ADAMTS13: variants seen among roughly 807,000 people sequenced by gnomAD.
ADAMTS13 encodes the protein ADAM metallopeptidase with thrombospondin type 1 motif 13.
Under a neutral mutation model 155.1 loss-of-function variants are expected in ADAMTS13, and 110 were observed. The ratio of observed to expected loss-of-function variants is 0.71; its 90% CI spans 0.61 to 0.83. The LOEUF (loss-of-function observed/expected upper bound fraction) is 0.83. Ranked by LOEUF, ADAMTS13 falls within the 40% of genes least tolerant of loss-of-function variation. The pLI is 0.00. For synonymous variants in ADAMTS13, 758 were observed against 756.4 expected (o/e 1.00, Z -0.03); for missense variants, 1,707 against 1,891.7 (o/e 0.90, Z 1.81).
Position 133,445,880 on chromosome 9 carries a change from C to G in ADAMTS13, c.2731+61C>G. 2.0e-6 allele frequency: 3 copies of G among 1,510,832 alleles called. No homozygotes were observed. Among genetic ancestry groups the G allele is most frequent in the Non-Finnish European group, 2.7e-6 (3 of 1,129,224 alleles). 93.6% of individuals were successfully genotyped at this position (1,510,832 alleles called of 1,614,324 possible). A position where few individuals can be genotyped will look rare whatever the true frequency, so the allele number is the denominator to read the frequency against. On this transcript the variant is annotated intron_variant, in intron 21 of 28. Transcript: ENST00000355699. This position sits in a 1 kb window ranked among gnomAD's most constrained non-coding sequence, Gnocchi z 5.0. ...TCATGGTAACTCTCCTGTCCACTTGCATCTTGCCTCGTTCTGAAAAGCATT... is the reference window on the plus strand; with the variant it reads ...TCATGGTAACTCTCCTGTCCACTTGGATCTTGCCTCGTTCTGAAAAGCATT...
At chr9:133,417,790 T>C (rs782052975), upstream of ADAMTS13, 3 of 1,609,780 alleles carry the variant, frequency 1.9e-6, no homozygotes, top group African/African-American at 1.3e-5. Flanking sequence ...GGACCCGGCT[T>C]AGCCACGGGG....
chr9:133,450,443 C>T (rs1326888462), intron 23 of ADAMTS13, among the ~76,000 whole-genome samples: 1 of 151,958 alleles, frequency 6.6e-6, no homozygotes, highest in East Asian at 1.9e-4. Context: ...TGGTACATGC[C>T]TGTAATCCCA....
Position 133,448,717 on chromosome 9 carries a change from G to T in ADAMTS13, c.2850G>T (p.Pro950=). The T allele has an allele frequency of 1.9e-6, 3 of 1,601,714 alleles. No homozygotes were observed. Among genetic ancestry groups the T allele is most frequent in the Non-Finnish European group, 2.5e-6 (3 of 1,179,802 alleles). The part of the protein sequence containing the change: ...GSRREVCQAV[P]CPARWQYKLA... ...GGCGGGAGGTCTGCCAGGCTGTCCCGTGCCCTGCTCGGTGAGTGAGGGGAG... is the reference window on the plus strand; with the variant it reads ...GGCGGGAGGTCTGCCAGGCTGTCCCTTGCCCTGCTCGGTGAGTGAGGGGAG... The change falls in exon 22 of 29, where the codon CCG becomes CCT. Residue 950 remains proline, a synonymous_variant. Transcript: ENST00000355699.
intron 11 of ADAMTS13, among the ~76,000 whole-genome samples, chr9:133,435,084 G>C (rs3124770): frequency 0.14 from 21,372 of 152,184 alleles, 2,115 homozygotes; most frequent in African/African-American, 0.28. Flanking sequence ...GAGCCGCTGC[G>C]AATGTGCTTG....
At chr9:133,426,804 TTTTC>T (rs1372174364) in intron 6 of ADAMTS13, among the ~76,000 whole-genome samples, 122 of 133,848 alleles carry the variant, frequency 9.1e-4, no homozygotes, top group African/African-American at 3.0e-3. Context: ...TTTTCTTTTC[TTTTC>T]TTTTTTTTTT....
intron 21 of ADAMTS13, 70 bp from the exon 22 acceptor site, chr9:133,448,529 A>G (rs1842219722): frequency 1.3e-6 from 2 of 1,597,134 alleles, no homozygotes; most frequent in Non-Finnish European, 1.7e-6. Context: ...AGAGGTGTCC[A>G]GTGAGCCTGG....
At chr9:133,442,323 G>A in intron 16 of ADAMTS13, 76 bp from the exon 17 acceptor site, 1 of 1,607,768 alleles carries the variant, frequency 6.2e-7, no homozygotes, top group East Asian at 2.2e-5. Context: ...AAGTTGGAAG[G>A]CTTCCCAGGG....
intron 6 of ADAMTS13, among the ~76,000 whole-genome samples, chr9:133,426,761 A>G (rs1840306872): frequency 6.6e-6 from 1 of 151,834 alleles, no homozygotes; most frequent in Admixed American, 6.6e-5. Flanking sequence ...AATTGTGATT[A>G]TGCTGTGCAT....
Position 133,422,410 on chromosome 9 carries a change from C to T in ADAMTS13, c.-34C>T. 1 of 1,598,902 alleles carries T rather than the reference C, an allele frequency of 6.3e-7. No homozygotes were observed. Among genetic ancestry groups the T allele is most frequent in the Non-Finnish European group, 8.6e-7 (1 of 1,169,196 alleles). Reference sequence around the variant, plus strand: ...TCCCAGTCACCAAGGCCCCCTCTCACTCCGCTCCACTCCTCGGGCTGGCTC... The same window carrying T: ...TCCCAGTCACCAAGGCCCCCTCTCATTCCGCTCCACTCCTCGGGCTGGCTC... On this transcript the variant is annotated 5_prime_UTR_variant, in exon 1 of 29. Transcript: ENST00000355699.
chr9:133,432,806 T>C (rs1840869053), intron 9 of ADAMTS13, 114 bp downstream of exon 9: 2 of 1,070,992 alleles, frequency 1.9e-6, no homozygotes, highest in East Asian at 2.6e-5. Flanking sequence ...GCAGAGAGTC[T>C]TGGAGTTGGC....
chr9:133,414,959 TGA>T, intron 1 of ADAMTS13: 2 of 1,609,430 alleles, frequency 1.2e-6, no homozygotes, highest in Admixed American at 1.7e-5. Context: ...GGAACCCATC[TGA>T]GAGATGACAA....
intron 1 of ADAMTS13, among the ~76,000 whole-genome samples, 158 bp from the exon 2 acceptor site, chr9:133,422,934 CTTTTTTTTT>C (rs71281254): frequency 3.2e-3 from 296 of 93,230 alleles, no homozygotes; most frequent in African/African-American, 7.3e-3. Context: ...CTCTCTCTCT[CTTTTTTTTT>C]TTTTTTTTTT....
chr9:133,426,508 A>C (rs962704971), intron 6 of ADAMTS13, among the ~76,000 whole-genome samples, 163 bp downstream of exon 6: 2 of 152,212 alleles, frequency 1.3e-5, no homozygotes, highest in African/African-American at 4.8e-5. Flanking sequence ...GGAACCTGAT[A>C]CTGTTTGATT....
intron 8 of ADAMTS13, 35 bp downstream of exon 8, chr9:133,430,136 G>A (rs782798456): frequency 2.9e-5 from 45 of 1,556,850 alleles, no homozygotes; most frequent in Non-Finnish European, 3.9e-5. Flanking sequence ...GATTGGCTGT[G>A]AGGTCCCTCC....
intron 5 of ADAMTS13, 24 bp downstream of exon 5, chr9:133,426,086 C>A: frequency 1.2e-6 from 2 of 1,613,958 alleles, no homozygotes; most frequent in Middle Eastern, 3.3e-4. Flanking sequence ...CTGATGGGTG[C>A]TGGCCAGCCA....
Position 133,432,639 on chromosome 9 carries a change from T to A in ADAMTS13, c.1039T>A (p.Cys347Ser), listed in dbSNP as rs281875294. The stretch of plus-strand genomic sequence containing the variant: ...CACAGACCCGCTGGACCAAAGCAGC[T>A]GCAGCCGCCTCCTCGTTCCTCTCCT... ...CHTDPLDQSS[C>S]SRLLVPLLDG... The change falls in exon 9 of 29, where the codon TGC becomes AGC. Residue 347 changes from cysteine to serine, a missense_variant. This residue lies in a region of ADAMTS13 where 733 missense variants were observed against 749.6 expected (regional missense o/e 0.98). Transcript: ENST00000355699. 1 of 1,559,254 alleles carries A rather than the reference T, an allele frequency of 6.4e-7. No individual in the cohort carries two copies.
chr9:133,448,523 G>A, intron 21 of ADAMTS13, 76 bp from the exon 22 acceptor site: 1 of 1,591,008 alleles, frequency 6.3e-7, no homozygotes, highest in Non-Finnish European at 8.5e-7. Flanking sequence ...TGTGCTAGAG[G>A]TGTCCAGTGA....
At chr9:133,455,562 G>A (rs782621505) in intron 25 of ADAMTS13, 127 bp downstream of exon 25, 11 of 1,608,018 alleles carry the variant, frequency 6.8e-6, no homozygotes, top group Admixed American at 1.7e-5. Context: ...CCCCAGCCTC[G>A]GCGGCTCCTG....
intron 8 of ADAMTS13, among the ~76,000 whole-genome samples, chr9:133,431,500 T>C (rs1840762627): frequency 6.6e-6 from 1 of 151,594 alleles, no homozygotes; most frequent in South Asian, 2.1e-4. Flanking sequence ...CTAAGTTTTG[T>C]ATTTTTTAGT....
Sources: allele counts gnomAD v4.1 joint callset (sites outside exome capture counted in the v4.1 genomes callset), GRCh38; gene constraint gnomAD v4.1.1; regional missense constraint gnomAD v4.1.1; non-coding constraint Gnocchi (gnomAD v3.1); transcripts MANE v1.5; gene names NCBI Gene and HGNC (gene_info 2026-07-23, HGNC 2026-07-21).